TMEM237: variants seen among roughly 807,000 people sequenced by gnomAD.
TMEM237 encodes amyotrophic lateral sclerosis 2 (juvenile) chromosome region, candidate 4.
TMEM237 carries 51 observed loss-of-function variants against 59.1 expected under a neutral mutation model. The ratio of observed to expected loss-of-function variants is 0.86; its 90% CI spans 0.69 to 1.09. The LOEUF (loss-of-function observed/expected upper bound fraction) is 1.09. Ranked by LOEUF, TMEM237 falls within the 50% of genes least tolerant of loss-of-function variation. The probability of loss-of-function intolerance (pLI) is 0.00; values close to 1 mark genes in which losing one functional copy is unlikely to be tolerated. For synonymous variants in TMEM237, 140 were observed against 166.1 expected (o/e 0.84, Z 1.21); for missense variants, 475 against 478.3 (o/e 0.99, Z 0.06).
intron 1 of TMEM237, 71 bp from the exon 2 acceptor site, chr2:201,640,995 TA>T: frequency 2.9e-6 from 4 of 1,373,860 alleles, no homozygotes; most frequent in Non-Finnish European, 4.0e-6. Flanking sequence ...ACCATCACGC[TA>T]TTTTTTTTTT....
chr2:201,624,346 A>G, intron 12 of TMEM237, 24 bp from the exon 13 acceptor site: 7 of 1,594,370 alleles, frequency 4.4e-6, no homozygotes, highest in Non-Finnish European at 6.0e-6. Context: ...TGAACAGATC[A>G]TACTTAAAAT....
In TMEM237 at chr2:201,622,734, T is replaced by C. The variant is rs1383568235; in HGVS notation, c.*1521A>G. The C allele has an allele frequency of 6.6e-6, 1 of 152,470 alleles. No individual in the cohort carries two copies. Among genetic ancestry groups the C allele is most frequent in the African/African-American group, 2.4e-5 (1 of 41,446 alleles). 9.4% of individuals were successfully genotyped at this position (152,470 alleles called of 1,614,324 possible). On this transcript the variant is annotated 3_prime_UTR_variant, in exon 13 of 13. Transcript: ENST00000409883. The stretch of plus-strand genomic sequence containing the variant: ...AACCTTAATCATATCTGCAAATCCC[T>C]TTGGCCAAGTAAAGTAGTATATTCA...
intron 3 of TMEM237, among the ~76,000 whole-genome samples, chr2:201,639,789 C>T (rs942181766): frequency 6.6e-6 from 1 of 151,776 alleles, no homozygotes; most frequent in African/African-American, 2.4e-5. Flanking sequence ...GAGTGAGACT[C>T]TGTCTCAAAA....
intron 5 of TMEM237, among the ~76,000 whole-genome samples, chr2:201,634,156 T>C (rs909800630): frequency 3.9e-5 from 6 of 151,906 alleles, no homozygotes; most frequent in African/African-American, 1.5e-4. Context: ...GCCAATCTTA[T>C]CAGCAGGCTT....
Position 201,629,615 on chromosome 2 carries a change from C to T in TMEM237, c.677+114G>A, listed in dbSNP as rs886360148. On this transcript the variant is annotated intron_variant, in intron 8 of 12. Coordinates refer to ENST00000409883, the MANE Select transcript of TMEM237 (RefSeq NM_001044385.3). The stretch of plus-strand genomic sequence containing the variant: ...ATGTTTAAAAAATATACCTACCTAC[C>T]ATTTTAAGTTGTGATTTCATTAATA... The T allele has an allele frequency of 9.1e-6, 13 of 1,423,094 alleles. No individual in the cohort carries two copies. The South Asian group carries it at 1.3e-4, about 15-fold the overall frequency. The allele number at this position is 1,423,094 out of a possible 1,614,324, so 88.2% of individuals were successfully genotyped here. A position where few individuals can be genotyped will look rare whatever the true frequency, so the allele number is the denominator to read the frequency against.
Position 201,623,194 on chromosome 2 carries a change from G to A in TMEM237, c.*1061C>T, listed in dbSNP as rs1957726124. 2.5e-6 allele frequency: 1 copy of A among 406,044 alleles called. No individual in the cohort carries two copies. The highest frequency in any genetic ancestry group is 7.2e-5 in the East Asian group (1 of 13,864). The allele number at this position is 406,044 out of a possible 1,614,324, so 25.2% of individuals were successfully genotyped here. On this transcript the variant is annotated 3_prime_UTR_variant, in exon 13 of 13. Transcript: ENST00000409883. ...ATCCTCTTCTGTTCTATAACATTCA[G>A]GTGCTTGCTAATCAGGGCAGGCTCA...
chr2:201,627,456 C>A, intron 10 of TMEM237, 42 bp from the exon 11 acceptor site: 1 of 1,318,344 alleles, frequency 7.6e-7, no homozygotes, highest in Non-Finnish European at 1.1e-6. Context: ...TTTTTAACAA[C>A]CTGGTTTATT....
Position 201,639,021 on chromosome 2 carries a change from T to G in TMEM237, c.104A>C (p.Lys35Thr), listed in dbSNP as rs776825848. The change falls in exon 4 of 13, where the codon AAG (lysine) becomes ACG (threonine). Residue 35 changes from lysine to threonine, a missense_variant. Lys to Thr is a moderately conservative substitution (Grantham distance 78, BLOSUM62 -1). Coordinates refer to ENST00000409883, the MANE Select transcript of TMEM237 (RefSeq NM_001044385.3). The part of the protein sequence containing the change: ...SQDDIPLSRP[K>T]KKKPRTKNTP... ...GTTTTTTGTTCTGGGCTTCTTTTTCTTAGGACGACTAAGTGGAATATCATC... is the reference window on the plus strand; with the variant it reads ...GTTTTTTGTTCTGGGCTTCTTTTTCGTAGGACGACTAAGTGGAATATCATC... 3.2e-6 allele frequency: 5 copies of G among 1,583,340 alleles called. No individual in the cohort carries two copies. The Admixed American group carries it at 9.1e-5, about 29-fold the overall frequency.
At chr2:201,637,742 C>T (rs1270496973) in intron 4 of TMEM237, among the ~76,000 whole-genome samples, 2 of 126,692 alleles carry the variant, frequency 1.6e-5, no homozygotes, top group Non-Finnish European at 3.2e-5. Context: ...AAGACTCCGT[C>T]TCAAAAAAAA....
intron 6 of TMEM237, among the ~76,000 whole-genome samples, chr2:201,632,585 T>G (rs981123476): frequency 6.6e-6 from 1 of 152,186 alleles, no homozygotes; most frequent in South Asian, 2.1e-4. Flanking sequence ...GGAGATCTGA[T>G]CGTTTTGTAA....
chr2:201,637,955 C>T (rs894380356), intron 4 of TMEM237, among the ~76,000 whole-genome samples: 5 of 152,126 alleles, frequency 3.3e-5, no homozygotes, highest in Admixed American at 6.5e-5. Flanking sequence ...ATAACTAAAG[C>T]TTCCTTAAGG....
chr2:201,630,842 G>C (rs1287962153), intron 7 of TMEM237: 1 of 152,166 alleles, frequency 6.6e-6, no homozygotes, highest in African/African-American at 2.4e-5. Context: ...AGCCTCTCTA[G>C]ACCACAGGTT....
At chr2:201,632,679 T>C (rs947246645) in intron 6 of TMEM237, among the ~76,000 whole-genome samples, 5 of 152,200 alleles carry the variant, frequency 3.3e-5, no homozygotes, top group Non-Finnish European at 7.4e-5. Context: ...CCTTCCACCA[T>C]GATAGTAAGT....
In TMEM237 at chr2:201,633,369, C is replaced by T. The variant is rs1266282639; in HGVS notation, c.337G>A (p.Gly113Ser). 1.3e-6 allele frequency: 2 copies of T among 1,592,750 alleles called. No individual in the cohort carries two copies. ...TCCTCAGCTGGCTCCGCATCAATAC[C>T]ATTTTCATTTCGTAATAAAGATGAA... Reference protein sequence around the residue: ...SSSSLLRNENGIDAEPAEEAV... With the variant: ...SSSSLLRNENSIDAEPAEEAV... The change falls in exon 6 of 13, where the codon GGT (glycine) becomes AGT (serine). Residue 113 changes from glycine to serine, a missense_variant. Transcript: ENST00000409883.
chr2:201,634,779 A>G (rs1249876870), intron 5 of TMEM237: 3 of 334,044 alleles, frequency 9.0e-6, no homozygotes, highest in Admixed American at 3.6e-5. Flanking sequence ...GCCCCCAGGC[A>G]CTGTGGCATC....
At chr2:201,632,674 C>T (rs1178909030) in intron 6 of TMEM237, among the ~76,000 whole-genome samples, 1 of 152,182 alleles carries the variant, frequency 6.6e-6, no homozygotes, top group East Asian at 1.9e-4. Context: ...CTTCACCTTC[C>T]ACCATGATAG....
intron 9 of TMEM237, 44 bp downstream of exon 9, chr2:201,629,186 T>A: frequency 5.7e-6 from 8 of 1,397,210 alleles, no homozygotes; most frequent in Non-Finnish European, 7.5e-6. Context: ...TGCTCAGCAT[T>A]TCCTCCTGAA....
intron 1 of TMEM237, chr2:201,642,543 C>T (rs373460666): frequency 1.9e-6 from 3 of 1,577,422 alleles, no homozygotes; most frequent in Non-Finnish European, 2.6e-6. Context: ...CTCTAATCCT[C>T]AAAAGTAGGA....
chr2:201,643,274 G>GCCC lies in TMEM237; in HGVS notation c.42+82_42+84dup, dbSNP rs538213022. The GCCC allele has an allele frequency of 1.4e-5, 17 of 1,206,796 alleles. No homozygotes were observed. Among genetic ancestry groups the GCCC allele is most frequent in the East Asian group, 5.7e-5 (2 of 35,396 alleles). The allele number at this position is 1,206,796 out of a possible 1,614,324, so 74.8% of individuals were successfully genotyped here. A position where few individuals can be genotyped will look rare whatever the true frequency, so the allele number is the denominator to read the frequency against. On this transcript the variant is annotated intron_variant, in intron 1 of 12. Transcript: ENST00000409883. The surrounding 1 kb of genome is among the most constrained non-coding windows in gnomAD (Gnocchi z 4.3). ...CCTTAGTGATTCCCAGCTCGTTGGC[G>GCCC]CCCCCCCACACACACCCACCCCCAC... is the stretch of plus-strand genomic sequence containing the variant.
Sources: allele counts gnomAD v4.1 joint callset (sites outside exome capture counted in the v4.1 genomes callset), GRCh38; gene constraint gnomAD v4.1.1; non-coding constraint Gnocchi (gnomAD v3.1); transcripts MANE v1.5; gene names NCBI Gene and HGNC (gene_info 2026-07-23, HGNC 2026-07-21).